The following C3orf33 variants were observed in gnomAD, a reference collection of about 807,000 sequenced individuals.
C3orf33 encodes AP-1 activity suppressor.
In C3orf33, 23 loss-of-function variants were observed where a neutral mutation model predicts 28.7. That is an observed-to-expected ratio of 0.80 (90% confidence interval 0.58 to 1.13). C3orf33 has a LOEUF of 1.13. C3orf33 is among the 50% of genes most tolerant of loss of function. C3orf33 has a pLI of 0.00. For missense variants in C3orf33, 327 were observed against 353.4 expected (o/e 0.93, Z 0.60); for synonymous variants, 119 against 120.5 (o/e 0.99, Z 0.08).
intron 2 of C3orf33, among the ~76,000 whole-genome samples, chr3:155,779,403 T>C (rs1160044527): frequency 1.3e-5 from 2 of 152,172 alleles, no homozygotes; most frequent in Non-Finnish European, 2.9e-5. Flanking sequence ...CAGGCAATTC[T>C]CCTGCTGCAG....
chr3:155,793,944 TTG>T (rs1751401951), intron 2 of C3orf33, among the ~76,000 whole-genome samples: 2 of 151,732 alleles, frequency 1.3e-5, no homozygotes, highest in Admixed American at 6.6e-5. Context: ...TTTATTAATT[TTG>T]TCTTTGCTTC....
chr3:155,771,648 C>T (rs1750596591), intron 3 of C3orf33, among the ~76,000 whole-genome samples: 1 of 152,206 alleles, frequency 6.6e-6, no homozygotes, highest in African/African-American at 2.4e-5. Context: ...CCTCCTGCTA[C>T]AGCCTCTCAA....
At chr3:155,805,804 T>C in intron 1 of C3orf33, 1 of 494,752 alleles carries the variant, frequency 2.0e-6, no homozygotes, top group South Asian at 1.9e-5. Flanking sequence ...TCTTCCTCGG[T>C]CTCCTCTCTG....
intron 2 of C3orf33, among the ~76,000 whole-genome samples, chr3:155,795,419 GC>G (rs1751447575): frequency 6.6e-6 from 1 of 152,058 alleles, no homozygotes; most frequent in Admixed American, 6.6e-5. Context: ...GCGTGCCACT[GC>G]ACTCCAGCCT....
chr3:155,778,090 C>A (rs1042279765), intron 2 of C3orf33, among the ~76,000 whole-genome samples: 11 of 125,980 alleles, frequency 8.7e-5, no homozygotes, highest in Middle Eastern at 6.8e-3. Flanking sequence ...GTGGAGGTTG[C>A]AGTGAGCTGA....
At chr3:155,766,435 A>G (rs1408015766) in intron 4 of C3orf33, among the ~76,000 whole-genome samples, 1 of 152,226 alleles carries the variant, frequency 6.6e-6, no homozygotes, top group Non-Finnish European at 1.5e-5. Context: ...GTACTTAAGA[A>G]TGTTCAACTT....
At chr3:155,766,123 G>C (rs1750395212) in intron 4 of C3orf33, among the ~76,000 whole-genome samples, 1 of 152,174 alleles carries the variant, frequency 6.6e-6, no homozygotes, top group African/African-American at 2.4e-5. Context: ...CGACTGCGTA[G>C]GCTGAAGCGT....
intron 2 of C3orf33, among the ~76,000 whole-genome samples, chr3:155,799,824 A>G (rs1751588443): frequency 6.6e-6 from 1 of 152,184 alleles, no homozygotes; most frequent in African/African-American, 2.4e-5. Context: ...AGAGAGACAA[A>G]CTTTGCATGT....
intron 2 of C3orf33, among the ~76,000 whole-genome samples, chr3:155,780,993 T>C (rs1191310229): frequency 1.5e-5 from 2 of 130,288 alleles, no homozygotes; most frequent in East Asian, 2.0e-4. Flanking sequence ...TCTAGACTTC[T>C]TTTTTTTTTT....
intron 3 of C3orf33, among the ~76,000 whole-genome samples, chr3:155,770,821 C>T (rs775163467): frequency 1.2e-4 from 18 of 152,120 alleles, no homozygotes; most frequent in Admixed American, 2.6e-4. Flanking sequence ...CCACCACACT[C>T]CCGCCACCAC....
In C3orf33 at chr3:155,763,287, C is replaced by T. The variant is rs1577406884; in HGVS notation, c.*230G>A. On this transcript the variant is annotated 3_prime_UTR_variant, in exon 5 of 5. Transcript: ENST00000340171. Reference sequence around the variant, plus strand: ...ATATGTAAATCATTCAGCCTGGTAACTTCTCATAAAGTGTTTCATCCTTCC... The same window carrying T: ...ATATGTAAATCATTCAGCCTGGTAATTTCTCATAAAGTGTTTCATCCTTCC... 1 of 337,160 alleles carries T rather than the reference C, an allele frequency of 3.0e-6. No homozygotes were observed. Among genetic ancestry groups the T allele is most frequent in the East Asian group, 4.9e-5 (1 of 20,392 alleles). The allele number at this position is 337,160 out of a possible 1,614,324, so 20.9% of individuals were successfully genotyped here.
intron 2 of C3orf33, among the ~76,000 whole-genome samples, chr3:155,798,501 C>A (rs868428068): frequency 1.3e-5 from 2 of 152,064 alleles, no homozygotes; most frequent in South Asian, 4.2e-4. Flanking sequence ...ACAAAGGTGC[C>A]AAGAACATAA....
chr3:155,794,951 TATA>T (rs1474825734), intron 2 of C3orf33, among the ~76,000 whole-genome samples: 2 of 152,104 alleles, frequency 1.3e-5, no homozygotes, highest in African/African-American at 2.4e-5. Context: ...TAGGTCCCAA[TATA>T]ATAATAGCTG....
chr3:155,805,634 A>G (rs1425303404), intron 1 of C3orf33: 1 of 454,570 alleles, frequency 2.2e-6, no homozygotes, highest in Non-Finnish European at 4.4e-6. Context: ...AAGTGGGAGG[A>G]TCTTTTCGGC....
At chr3:155,788,840 C>T (rs1751226233) in intron 2 of C3orf33, among the ~76,000 whole-genome samples, 1 of 152,012 alleles carries the variant, frequency 6.6e-6, no homozygotes, top group Non-Finnish European at 1.5e-5. Context: ...CACCAGAGCA[C>T]ATAGACAAGA....
rs1441745945 is a variant in C3orf33 at position 155,762,831 on chromosome 3, T to G, written c.*686A>C. ...TTGCAGTGAACCAAGATAACGCCAC[T>G]GCACTCCTGCCTGGGTGACAAGAGC... On this transcript the variant is annotated 3_prime_UTR_variant, in exon 5 of 5. Transcript: ENST00000340171. 1.3e-5 allele frequency: 2 copies of G among 152,050 alleles called. No individual in the cohort carries two copies. Among genetic ancestry groups the G allele is most frequent in the Non-Finnish European group, 1.5e-5 (1 of 68,032 alleles). The allele number at this position is 152,050 out of a possible 1,614,324, so 9.4% of individuals were successfully genotyped here.
rs138821891 is a variant in C3orf33 at position 155,795,387 on chromosome 3, C to T, written c.174+7145G>A. Among the ~76,000 whole-genome samples the T allele has an allele frequency of 4.7e-4, 71 of 152,020 alleles. No homozygotes were observed. The East Asian group carries it at 0.013, about 28-fold the overall frequency. On this transcript the variant is annotated intron_variant, in intron 2 of 4. Transcript: ENST00000340171. ...AGGAAAATTGCTTGAACCCAGGAGGCGGAGGTTGGAGTGAGCCGAGAGCGT... is the reference window on the plus strand; with the variant it reads ...AGGAAAATTGCTTGAACCCAGGAGGTGGAGGTTGGAGTGAGCCGAGAGCGT...
At chr3:155,794,920 T>A (rs1407840234) in intron 2 of C3orf33, among the ~76,000 whole-genome samples, 1 of 152,130 alleles carries the variant, frequency 6.6e-6, no homozygotes, top group African/African-American at 2.4e-5. Context: ...GCAATTAATA[T>A]TAGAGCTAGA....
intron 2 of C3orf33, among the ~76,000 whole-genome samples, chr3:155,782,595 T>C (rs1434462789): frequency 2.0e-5 from 3 of 152,196 alleles, no homozygotes; most frequent in African/African-American, 7.2e-5. Context: ...TGGACTGATA[T>C]ATTCAAAGTG....
Sources: allele counts gnomAD v4.1 joint callset (sites outside exome capture counted in the v4.1 genomes callset), GRCh38; gene constraint gnomAD v4.1.1; transcripts MANE v1.5; gene names NCBI Gene and HGNC (gene_info 2026-07-23, HGNC 2026-07-21).